The following ATRNL1 variants were observed in gnomAD, a reference collection of about 807,000 sequenced individuals.
ATRNL1 encodes the protein attractin-like protein 1.
Under a neutral mutation model 182.7 loss-of-function variants are expected in ATRNL1, and 95 were observed. The ratio of observed to expected loss-of-function variants is 0.52; its 90% CI spans 0.44 to 0.62. ATRNL1 has a LOEUF of 0.62. Among genes scored for constraint, ATRNL1 ranks in the 20% least tolerant of loss-of-function variants. The probability of loss-of-function intolerance (pLI) is 0.00; values close to 1 mark genes in which losing one functional copy is unlikely to be tolerated. For missense variants in ATRNL1, 1,471 were observed against 1,679.5 expected, an observed-to-expected ratio of 0.88 and a Z score of 2.17; for synonymous variants, 576 against 568.3, an observed-to-expected ratio of 1.01 and a Z score of -0.19.
chr10:115,635,300 A>G (rs1244310787), intron 26 of ATRNL1, among the ~76,000 whole-genome samples: 1 of 151,720 alleles, frequency 6.6e-6, no homozygotes, highest in Non-Finnish European at 1.5e-5. Context: ...GATAGAGACA[A>G]CAGAGTGGGA....
chr10:115,093,627 AC>A lies in ATRNL1; in HGVS notation c.-123del. On this transcript the variant is annotated 5_prime_UTR_variant, in exon 1 of 29. It removes the in-frame stop codon of an upstream open reading frame in the 5' UTR. Coordinates refer to ENST00000355044, the MANE Select transcript of ATRNL1 (RefSeq NM_207303.4). The surrounding 1 kb of genome is among the most constrained non-coding windows in gnomAD (Gnocchi z 6.1). ...CTCCTGACCGGGGAGCGGGACTCGG[AC>A]GGGCGCCGGTGAGGAGGAGGAGAAG... 1 of 1,124,638 alleles carries A rather than the reference AC, an allele frequency of 8.9e-7. No individual in the cohort carries two copies. The highest frequency in any genetic ancestry group is 1.3e-6 in the Non-Finnish European group (1 of 784,598). The allele number at this position is 1,124,638 out of a possible 1,614,324, so 69.7% of individuals were successfully genotyped here.
intron 27 of ATRNL1, among the ~76,000 whole-genome samples, chr10:115,787,140 C>T (rs782053290): frequency 3.9e-5 from 6 of 152,160 alleles, no homozygotes; most frequent in Non-Finnish European, 8.8e-5. Flanking sequence ...TTTAACACAT[C>T]AATCAATGGC....
intron 19 of ATRNL1, among the ~76,000 whole-genome samples, chr10:115,389,540 G>GTATGTATATA (rs1843870917): frequency 4.5e-5 from 2 of 44,490 alleles, no homozygotes; most frequent in African/African-American, 1.5e-4. Context: ...ATGTGTATGT[G>GTATGTATATA]TATATATATA....
intron 19 of ATRNL1, among the ~76,000 whole-genome samples, chr10:115,356,262 A>G (rs1825055493): frequency 6.6e-6 from 1 of 152,096 alleles, no homozygotes; most frequent in Non-Finnish European, 1.5e-5. Flanking sequence ...ATTCTCTCAA[A>G]CTAGGAACAT....
intron 24 of ATRNL1, among the ~76,000 whole-genome samples, chr10:115,480,500 A>G (rs1385555029): frequency 6.6e-6 from 1 of 151,086 alleles, no homozygotes; most frequent in East Asian, 1.9e-4. Flanking sequence ...TTAACCAACC[A>G]AGGTAACATA....
rs190963934 is a variant in ATRNL1 at position 115,503,992 on chromosome 10, C to T, written c.3655-15271C>T. Among the ~76,000 whole-genome samples, 25 of 151,620 alleles carry T rather than the reference C, an allele frequency of 1.6e-4. No individual in the cohort carries two copies. In the East Asian group the frequency reaches 4.5e-3, roughly 27 times the overall value. On this transcript the variant is annotated intron_variant, in intron 24 of 28. Transcript: ENST00000355044. ...TTTGAATTAGACAAAATTTGTTCAC[C>T]TTTTCAAAAAGGACACACTTTTTTT...
rs143922686 is a variant in ATRNL1, at chr10:115,384,001, T to A, written c.3176-10658T>A. Among the ~76,000 whole-genome samples, 240 of 152,122 alleles carry A rather than the reference T, an allele frequency of 1.6e-3. 2 individuals are homozygous for A. The South Asian group carries it at 0.024, about 15-fold the overall frequency. ...AAAAGTAACATTATTTAAAATATAT[T>A]ATTTTGCGTTTATAAATAGGCACAA... is the stretch of plus-strand genomic sequence containing the variant. On this transcript the variant is annotated intron_variant, in intron 19 of 28. Coordinates refer to ENST00000355044, the MANE Select transcript of ATRNL1 (RefSeq NM_207303.4).
At chr10:115,381,327 C>T (rs1424619142) in intron 19 of ATRNL1, among the ~76,000 whole-genome samples, 2 of 151,734 alleles carry the variant, frequency 1.3e-5, no homozygotes, top group African/African-American at 2.4e-5. Flanking sequence ...AGTGCAGTGG[C>T]ACAATCTCGA....
rs548608001 is a variant in ATRNL1, at chr10:115,510,769, G to A, written c.3655-8494G>A. On this transcript the variant is annotated intron_variant, in intron 24 of 28. Transcript: ENST00000355044. ...TGCTATTAGCAGAGAAAGAAGCAAG[G>A]CTAAGTTTCTAAGATTGGTATATGA... Among the ~76,000 whole-genome samples, 21 of 152,064 alleles carry A rather than the reference G, an allele frequency of 1.4e-4. No individual in the cohort carries two copies. The South Asian group carries it at 4.3e-3, about 31-fold the overall frequency.
intron 27 of ATRNL1, among the ~76,000 whole-genome samples, chr10:115,805,269 A>C (rs909014293): frequency 3.3e-5 from 5 of 152,174 alleles, no homozygotes; most frequent in African/African-American, 1.2e-4. Flanking sequence ...TTCTTGGATG[A>C]TTCACTCACT....
intron 8 of ATRNL1, among the ~76,000 whole-genome samples, chr10:115,212,813 C>A (rs1165249684): frequency 6.6e-6 from 1 of 151,784 alleles, no homozygotes; most frequent in African/African-American, 2.4e-5. Context: ...CACATGGACA[C>A]ATAGAGGGAA....
At chr10:115,271,736 C>A (rs2133897837) in intron 13 of ATRNL1, among the ~76,000 whole-genome samples, 1 of 152,260 alleles carries the variant, frequency 6.6e-6, no homozygotes, top group African/African-American at 2.4e-5. Flanking sequence ...TGGGGTGACT[C>A]AAACCTTTAT....
chr10:115,645,913 C>A (rs1485029803), intron 26 of ATRNL1, among the ~76,000 whole-genome samples: 1 of 152,014 alleles, frequency 6.6e-6, no homozygotes, highest in Non-Finnish European at 1.5e-5. Context: ...TAGTCCTTGG[C>A]ATCTCAAGGC....
intron 25 of ATRNL1, among the ~76,000 whole-genome samples, chr10:115,520,106 A>G (rs1554984816): frequency 6.6e-6 from 1 of 152,098 alleles, no homozygotes; most frequent in African/African-American, 2.4e-5. Context: ...GACAAATATG[A>G]CTTCTCCTTC....
intron 10 of ATRNL1, among the ~76,000 whole-genome samples, chr10:115,255,691 A>T (rs1554906636): frequency 6.6e-6 from 1 of 152,198 alleles, no homozygotes. Flanking sequence ...AGGAGTGGTG[A>T]GAGAGGGCAT....
chr10:115,639,556 A>G (rs1375435581), intron 26 of ATRNL1, among the ~76,000 whole-genome samples: 1 of 152,174 alleles, frequency 6.6e-6, no homozygotes, highest in Non-Finnish European at 1.5e-5. Context: ...AAAAGTTGAG[A>G]AGGTAAAGGT....
At chr10:115,123,460 A>T (rs1844829300) in intron 3 of ATRNL1, among the ~76,000 whole-genome samples, 1 of 152,224 alleles carries the variant, frequency 6.6e-6, no homozygotes, top group Admixed American at 6.5e-5. Flanking sequence ...AAGAATTCAG[A>T]ATCTAATATG....
intron 25 of ATRNL1, among the ~76,000 whole-genome samples, chr10:115,524,584 T>G (rs1851114952): frequency 6.6e-6 from 1 of 152,174 alleles, no homozygotes; most frequent in Non-Finnish European, 1.5e-5. Context: ...ATATTTTGTA[T>G]TTATTAACTT....
Position 115,120,250 on chromosome 10 carries a change from C to T in ATRNL1, c.359C>T (p.Thr120Ile). 6.4e-7 allele frequency: 1 copy of T among 1,566,070 alleles called. No homozygotes were observed. The highest frequency in any genetic ancestry group is 8.8e-7 in the Non-Finnish European group (1 of 1,140,452). The change falls in exon 2 of 29, where the codon ACT becomes ATT. Residue 120 changes from threonine (T) to isoleucine (I), a missense_variant. This residue lies in a region of ATRNL1 where 1,031 missense variants were observed against 1,156.0 expected (regional missense o/e 0.89). Transcript: ENST00000355044. ...PINYKYKTKC[T>I]WLIEGYPNAV... Reference sequence around the variant, plus strand: ...AACTATAAATATAAAACTAAATGTACTTGGCTCATTGAAGGCTAGTAAGTA... The same window carrying T: ...AACTATAAATATAAAACTAAATGTATTTGGCTCATTGAAGGCTAGTAAGTA...
Sources: allele counts gnomAD v4.1 joint callset (sites outside exome capture counted in the v4.1 genomes callset), GRCh38; gene constraint gnomAD v4.1.1; regional missense constraint gnomAD v4.1.1; non-coding constraint Gnocchi (gnomAD v3.1); transcripts MANE v1.5; gene names NCBI Gene and HGNC (gene_info 2026-07-23, HGNC 2026-07-21).